Variants in SMYD3 observed in about 807,000 individuals in gnomAD.
The protein encoded by SMYD3 is histone-lysine N-methyltransferase SMYD3.
A neutral mutation model predicts 57.7 loss-of-function variants in SMYD3; 36 were observed. The observed-to-expected ratio is 0.62, with a 90% CI of 0.48 to 0.82. The LOEUF is 0.82. Ranked by LOEUF, SMYD3 falls within the 40% of genes least tolerant of loss-of-function variation. SMYD3 has a pLI of 0.00. For missense variants in SMYD3, 515 were observed against 538.8 expected, an observed-to-expected ratio of 0.96 and a Z score of 0.44; for synonymous variants, 211 against 195.0, an observed-to-expected ratio of 1.08 and a Z score of -0.68.
At chr1:246,300,475 G>C (rs2064874871) in intron 5 of SMYD3, among the ~76,000 whole-genome samples, 1 of 152,174 alleles carries the variant, frequency 6.6e-6, no homozygotes, top group African/African-American at 2.4e-5. Context: ...GGTGAGGAAA[G>C]CGGCCAGCAA....
chr1:246,404,192 G>T (rs1194063916), intron 1 of SMYD3, among the ~76,000 whole-genome samples: 1 of 152,216 alleles, frequency 6.6e-6, no homozygotes, highest in Non-Finnish European at 1.5e-5. Context: ...GGCCACCGCT[G>T]CTGAGGTCAG....
chr1:245,815,881 T>C (rs1030178172), intron 10 of SMYD3, among the ~76,000 whole-genome samples: 3 of 152,214 alleles, frequency 2.0e-5, no homozygotes, highest in Non-Finnish European at 2.9e-5. Context: ...GCCTTGGACC[T>C]GGGTCTTGTG....
At chr1:246,101,087 T>G (rs1007915769) in intron 5 of SMYD3, among the ~76,000 whole-genome samples, 7 of 137,620 alleles carry the variant, frequency 5.1e-5, no homozygotes, top group Non-Finnish European at 9.2e-5. Flanking sequence ...TTTTTTTTTT[T>G]TTTTTTTTTT....
chr1:246,496,048 A>G (rs572746899), intron 1 of SMYD3, among the ~76,000 whole-genome samples: 2 of 150,920 alleles, frequency 1.3e-5, no homozygotes, highest in Non-Finnish European at 3.0e-5. Flanking sequence ...TGTTGTTGTT[A>G]TTGTTTTGAT....
At chr1:246,287,651 G>A (rs2064597209) in intron 5 of SMYD3, among the ~76,000 whole-genome samples, 1 of 152,140 alleles carries the variant, frequency 6.6e-6, no homozygotes. Flanking sequence ...TAGATTTGGG[G>A]GGGTTTTGTG....
At chr1:246,243,373 T>C (rs1201026584) in intron 5 of SMYD3, among the ~76,000 whole-genome samples, 1 of 119,464 alleles carries the variant, frequency 8.4e-6, no homozygotes, top group South Asian at 3.5e-4. Context: ...ATTGAGTTTT[T>C]GACTTTTTTA....
intron 5 of SMYD3, among the ~76,000 whole-genome samples, chr1:246,039,351 G>T (rs1332398171): frequency 6.6e-6 from 1 of 152,112 alleles, no homozygotes; most frequent in African/African-American, 2.4e-5. Context: ...GTAAACATAG[G>T]TATATGCAGA....
At chr1:246,251,366 G>A (rs188278056) in intron 5 of SMYD3, among the ~76,000 whole-genome samples, 50 of 152,300 alleles carry the variant, frequency 3.3e-4, no homozygotes, top group Non-Finnish European at 5.1e-4. Context: ...TTGTAATCGG[G>A]GCTTATCTCA....
intron 11 of SMYD3, among the ~76,000 whole-genome samples, chr1:245,756,131 T>G (rs1295835208): frequency 6.7e-6 from 1 of 148,660 alleles, no homozygotes; most frequent in Non-Finnish European, 1.5e-5. Flanking sequence ...CACATATATA[T>G]GTATATATAA....
intron 5 of SMYD3, among the ~76,000 whole-genome samples, chr1:246,119,505 A>G (rs2061393021): frequency 6.7e-6 from 1 of 149,022 alleles, no homozygotes; most frequent in African/African-American, 2.5e-5. Context: ...CTCCACCTCC[A>G]GGGTTCAAGT....
chr1:245,902,861 T>C (rs753388113), intron 8 of SMYD3, among the ~76,000 whole-genome samples: 1 of 152,202 alleles, frequency 6.6e-6, no homozygotes, highest in Non-Finnish European at 1.5e-5. Flanking sequence ...AGTCATTCTC[T>C]ATGAAAGCCA....
At chr1:246,064,359 CTG>C (rs2060305978) in intron 5 of SMYD3, among the ~76,000 whole-genome samples, 1 of 152,236 alleles carries the variant, frequency 6.6e-6, no homozygotes, top group South Asian at 2.1e-4. Context: ...TCTAGTCAAA[CTG>C]AACTATTAAA....
intron 11 of SMYD3, among the ~76,000 whole-genome samples, chr1:245,754,120 A>AG (rs1370320869): frequency 2.6e-5 from 4 of 152,190 alleles, no homozygotes; most frequent in Non-Finnish European, 2.9e-5. Flanking sequence ...CAGTTAACTC[A>AG]GTAATAGAGA....
intron 2 of SMYD3, among the ~76,000 whole-genome samples, chr1:246,338,842 A>G (rs542997362): frequency 1.3e-5 from 2 of 152,302 alleles, no homozygotes; most frequent in African/African-American, 4.8e-5. Flanking sequence ...GTTGTTTGAG[A>G]AATTTATGCG....
chr1:246,504,759 T>A (rs561483763), intron 1 of SMYD3, among the ~76,000 whole-genome samples: 1 of 152,340 alleles, frequency 6.6e-6, no homozygotes, highest in African/African-American at 2.4e-5. Context: ...GCTTACTATG[T>A]GTTAGACACT....
chr1:246,327,900 A>T (rs938486664), intron 4 of SMYD3, among the ~76,000 whole-genome samples: 3 of 152,214 alleles, frequency 2.0e-5, no homozygotes, highest in Admixed American at 2.0e-4. Flanking sequence ...AGTTGAATAA[A>T]CAAGATAAAG....
At position 246,014,142 on chromosome 1, in the gene SMYD3, G is replaced by A. The variant is rs527441632; in HGVS notation, c.532-84205C>T. Among the ~76,000 whole-genome samples, 238 of 152,268 alleles carry A rather than the reference G, an allele frequency of 1.6e-3. 1 individual carries two copies. Among genetic ancestry groups the A allele is most frequent in the African/African-American group, 5.4e-3 (225 of 41,548 alleles). On this transcript the variant is annotated intron_variant, in intron 5 of 11. Transcript: ENST00000490107. The stretch of plus-strand genomic sequence containing the variant: ...GTTCGAGACCAGCCTGGCCAACATG[G>A]CGAAACCCCGTCTCTACTAAAAATA...
At chr1:246,136,935 G>A (rs1022864620) in intron 5 of SMYD3, among the ~76,000 whole-genome samples, 1 of 152,164 alleles carries the variant, frequency 6.6e-6, no homozygotes, top group African/African-American at 2.4e-5. Context: ...AGAGTTCACG[G>A]AAAGTTTTTA....
intron 1 of SMYD3, among the ~76,000 whole-genome samples, chr1:246,356,768 G>A (rs886954372): frequency 1.3e-5 from 2 of 152,092 alleles, no homozygotes; most frequent in Non-Finnish European, 2.9e-5. Flanking sequence ...TTAAAAATGA[G>A]CCAAGCATCC....
Sources: gnomAD v4.1 joint callset for allele counts (sites outside exome capture counted in the v4.1 genomes callset) on GRCh38, gnomAD v4.1.1 for gene constraint, MANE v1.5 for transcripts, NCBI Gene and HGNC (gene_info 2026-07-23, HGNC 2026-07-21) for gene names.